The following TGFBI variants were observed in gnomAD, a reference collection of about 807,000 sequenced individuals.
TGFBI encodes the protein transforming growth factor beta induced.
In TGFBI, 50 loss-of-function variants were observed where a neutral mutation model predicts 73.7. The observed-to-expected ratio is 0.68, with a 90% CI of 0.54 to 0.86. The LOEUF is 0.86. Among genes scored for constraint, TGFBI ranks in the 40% least tolerant of loss-of-function variants. The pLI, the probability that TGFBI is intolerant of heterozygous loss-of-function variation, is 0.00. For synonymous variants in TGFBI, 362 were observed against 360.5 expected (o/e 1.00, Z -0.05); for missense variants, 839 against 877.0 (o/e 0.96, Z 0.55).
chr5:136,047,339 C>A lies in TGFBI; in HGVS notation c.690C>A (p.His230Gln). 1 of 1,613,850 alleles carries A rather than the reference C, an allele frequency of 6.2e-7. No individual in the cohort carries two copies. The highest frequency in any genetic ancestry group is 8.5e-7 in the Non-Finnish European group (1 of 1,179,858). The change falls in exon 6 of 17, where the codon CAC (histidine) becomes CAA (glutamine). Residue 230 changes from histidine to glutamine, a missense_variant. His to Gln is a conservative substitution (Grantham distance 24). Transcript: ENST00000442011. ...ACCATGCAACCAACGGGGTGGTGCA[C>A]CTCATCGATAAGGTCATCTCCACCA... ...ADHHATNGVVHLIDKVISTIT... is the reference protein window; with the variant it reads ...ADHHATNGVVQLIDKVISTIT...
intron 2 of TGFBI, among the ~76,000 whole-genome samples, chr5:136,043,210 T>C (rs1362945086): frequency 6.6e-6 from 1 of 152,202 alleles, no homozygotes; most frequent in Non-Finnish European, 1.5e-5. Context: ...AAGCAAGTCT[T>C]TCTTAGGTGT....
intron 12 of TGFBI, chr5:136,058,848 G>A: frequency 4.8e-6 from 2 of 419,862 alleles, no homozygotes; most frequent in Non-Finnish European, 8.5e-6. Flanking sequence ...TTAACCCAGA[G>A]GCCAACTGAC....
At chr5:136,061,779 T>C (rs771568264) in intron 15 of TGFBI, 200 bp downstream of exon 15, 2 of 652,546 alleles carry the variant, frequency 3.1e-6, no homozygotes, top group South Asian at 1.6e-5. Context: ...TCCCTGGCTT[T>C]CATGGGCCAA....
At position 136,033,905 on chromosome 5, in the gene TGFBI, T is replaced by C. The variant is rs530564896; in HGVS notation, c.233+44T>C. On this transcript the variant is annotated intron_variant, in intron 2 of 16. Transcript: ENST00000442011. ...CCAGGAGACCAAGCTGTATGCACGCTGGCTGCAGTTCCCCAGGGCCTGGGC... is the reference window on the plus strand; with the variant it reads ...CCAGGAGACCAAGCTGTATGCACGCCGGCTGCAGTTCCCCAGGGCCTGGGC... 6 of 1,516,632 alleles carry C rather than the reference T, an allele frequency of 4.0e-6. No individual in the cohort carries two copies. The Middle Eastern group carries it at 5.1e-4, about 129-fold the overall frequency. The allele number at this position is 1,516,632 out of a possible 1,614,324, so 93.9% of individuals were successfully genotyped here.
Position 136,033,902 on chromosome 5 carries a change from C to T in TGFBI, c.233+41C>T, listed in dbSNP as rs201255996. The stretch of plus-strand genomic sequence containing the variant: ...CAGCCAGGAGACCAAGCTGTATGCA[C>T]GCTGGCTGCAGTTCCCCAGGGCCTG... On this transcript the variant is annotated intron_variant, in intron 2 of 16. Transcript: ENST00000442011. 1.1e-4 allele frequency: 168 copies of T among 1,535,834 alleles called. 2 individuals are homozygous for T. The highest frequency in any genetic ancestry group is 8.4e-4 in the Middle Eastern group (5 of 5,932).
chr5:136,038,449 G>C (rs778747808), intron 2 of TGFBI, among the ~76,000 whole-genome samples: 5 of 151,404 alleles, frequency 3.3e-5, no homozygotes, highest in Non-Finnish European at 7.4e-5. Context: ...GTGCCTGGTG[G>C]TTCACGCCTT....
intron 15 of TGFBI, among the ~76,000 whole-genome samples, chr5:136,062,096 C>T (rs6865463): frequency 0.35 from 53,753 of 151,836 alleles, 9,973 homozygotes; most frequent in East Asian, 0.47. Context: ...CCTCTCAAAC[C>T]CTCTCTGGCT....
chr5:136,038,557 A>G (rs1751271306), intron 2 of TGFBI, among the ~76,000 whole-genome samples: 1 of 151,952 alleles, frequency 6.6e-6, no homozygotes, highest in African/African-American at 2.4e-5. Flanking sequence ...TCTAGTAAAA[A>G]AAAAAATACA....
At chr5:136,056,571 G>A in intron 11 of TGFBI, 94 bp from the exon 12 acceptor site, 1 of 1,535,538 alleles carries the variant, frequency 6.5e-7, no homozygotes, top group Non-Finnish European at 9.0e-7. Flanking sequence ...TATCCTCAGT[G>A]GTGAGGTATT....
At chr5:136,054,604 C>A in intron 9 of TGFBI, 112 bp from the exon 10 acceptor site, 1 of 1,422,132 alleles carries the variant, frequency 7.0e-7, no homozygotes, top group Non-Finnish European at 9.9e-7. Context: ...GTTTCTCAAT[C>A]CCTGTTTCCA....
intron 2 of TGFBI, among the ~76,000 whole-genome samples, chr5:136,034,372 G>C (rs1386272846): frequency 6.6e-6 from 1 of 151,962 alleles, no homozygotes; most frequent in South Asian, 2.1e-4. Context: ...AGCTCTACCT[G>C]GGCCAGTCGA....
At chr5:136,056,609 G>A in intron 11 of TGFBI, 56 bp from the exon 12 acceptor site, 3 of 1,611,272 alleles carry the variant, frequency 1.9e-6, no homozygotes, top group South Asian at 1.1e-5. Context: ...AGCGTGGTGA[G>A]GTATTTAAGG....
chr5:136,053,831 TG>T, intron 8 of TGFBI, 111 bp from the exon 9 acceptor site: 2 of 1,496,056 alleles, frequency 1.3e-6, no homozygotes, highest in Non-Finnish European at 1.8e-6. Flanking sequence ...TTAGAGGGGT[TG>T]TTGACTCACG....
intron 1 of TGFBI, among the ~76,000 whole-genome samples, chr5:136,032,845 A>G (rs184947459): frequency 8.6e-5 from 13 of 151,108 alleles, no homozygotes; most frequent in Non-Finnish European, 1.0e-4. Context: ...TTGGGTCAGG[A>G]CTTGGTATAC....
intron 10 of TGFBI, 177 bp from the exon 11 acceptor site, chr5:136,055,503 T>A (rs1006712958): frequency 1.9e-6 from 1 of 532,668 alleles, no homozygotes; most frequent in Non-Finnish European, 3.0e-6. Flanking sequence ...AGGAAGACCA[T>A]TTATTGTTTT....
At chr5:136,048,230 C>A (rs939214206) in intron 6 of TGFBI, 1 of 152,232 alleles carries the variant, frequency 6.6e-6, no homozygotes. Context: ...CTCTCCCATG[C>A]TTTTCTTCTG....
At position 136,054,028 on chromosome 5, in the gene TGFBI, C is replaced by G. The variant is rs1385178668; in HGVS notation, c.1212C>G (p.Leu404=). Residue 404 remains leucine (L), a synonymous_variant, in exon 9 of 17, where the codon CTC becomes CTG. Transcript: ENST00000442011. The part of the protein sequence containing the change: ...LFRQAGLGNH[L]SGSERLTLLA... The stretch of plus-strand genomic sequence containing the variant: ...GACAAGCCGGCCTCGGCAATCATCT[C>G]TCTGGAAGTGAGCGGTTGACCCTCC... 6.2e-7 allele frequency: 1 copy of G among 1,614,050 alleles called. No homozygotes were observed. Among genetic ancestry groups the G allele is most frequent in the Non-Finnish European group, 8.5e-7 (1 of 1,179,900 alleles).
At position 136,047,004 on chromosome 5, in the gene TGFBI, T is replaced by C; in HGVS notation, c.613T>C (p.Tyr205His). 2 of 1,612,306 alleles carry C rather than the reference T, an allele frequency of 1.2e-6. No individual in the cohort carries two copies. Among genetic ancestry groups the C allele is most frequent in the Non-Finnish European group, 1.7e-6 (2 of 1,179,814 alleles). ...GAATTCCAACATCCAGATCCACCAC[T>C]ATCCTAATGGGGTAGGGGATCCCCA... ...YQNSNIQIHH[Y>H]PNGIVTVNCA... is the part of the protein sequence containing the mutation. The change falls in exon 5 of 17, where the codon TAT (tyrosine) becomes CAT (histidine). Residue 205 changes from tyrosine (Y) to histidine (H), a missense_variant. Physicochemically the swap from Tyr to His is moderately conservative, Grantham distance 83. Transcript: ENST00000442011.
rs1399642287 is a variant in TGFBI, at chr5:136,054,716, A to G, written c.1265A>G (p.Asp422Gly). 6.2e-7 allele frequency: 1 copy of G among 1,613,948 alleles called. No individual in the cohort carries two copies. The highest frequency in any genetic ancestry group is 1.1e-5 in the South Asian group (1 of 91,076). The change falls in exon 10 of 17, where the codon GAT (aspartate) becomes GGT (glycine). Residue 422 changes from aspartate (D) to glycine (G), a missense_variant and splice_region_variant. Coordinates refer to ENST00000442011, the MANE Select transcript of TGFBI (RefSeq NM_000358.3). ...ACCTAACCATCACCCTTTCTTGTAG[A>G]TGGAACCCCTCCAATTGATGCCCAT... ...LLAPLNSVFKDGTPPIDAHTR... is the reference protein window; with the variant it reads ...LLAPLNSVFKGGTPPIDAHTR...
Sources: allele counts gnomAD v4.1 joint callset (sites outside exome capture counted in the v4.1 genomes callset), GRCh38; gene constraint gnomAD v4.1.1; transcripts MANE v1.5; gene names NCBI Gene and HGNC (gene_info 2026-07-23, HGNC 2026-07-21).